PRKDC: variants seen among roughly 807,000 people sequenced by gnomAD.
PRKDC encodes the protein protein kinase, DNA-activated, catalytic subunit.
Under a neutral mutation model 486.9 loss-of-function variants are expected in PRKDC, and 82 were observed. The ratio of observed to expected loss-of-function variants is 0.17; its 90% CI spans 0.14 to 0.20. The LOEUF (loss-of-function observed/expected upper bound fraction) is 0.20. Among genes scored for constraint, PRKDC ranks in the 10% least tolerant of loss-of-function variants. The probability of loss-of-function intolerance (pLI) is 1.00; values close to 1 mark genes in which losing one functional copy is unlikely to be tolerated. For missense variants in PRKDC, 4,504 were observed against 5,038.2 expected, an observed-to-expected ratio of 0.89 and a Z score of 3.21; for synonymous variants, 1,895 against 1,837.0, an observed-to-expected ratio of 1.03 and a Z score of -0.81.
chr8:47,888,370 T>G lies in PRKDC; in HGVS notation c.4413+148A>C, dbSNP rs140948003. ...GATATATCATAGATATACAGATACA[T>G]AATATCTACATGTCTTGAGCAAGTA... On this transcript the variant is annotated intron_variant, in intron 34 of 85. Coordinates refer to ENST00000314191, the MANE Select transcript of PRKDC (RefSeq NM_006904.7). 45 of 560,956 alleles carry G rather than the reference T, an allele frequency of 8.0e-5. No individual in the cohort carries two copies. The East Asian group carries it at 1.4e-3, about 18-fold the overall frequency. The allele number at this position is 560,956 out of a possible 1,614,324, so 34.7% of individuals were successfully genotyped here.
chr8:47,808,198 G>C (rs2087254643), intron 68 of PRKDC, among the ~76,000 whole-genome samples: 1 of 152,098 alleles, frequency 6.6e-6, no homozygotes, highest in Non-Finnish European at 1.5e-5. Flanking sequence ...TTGGAGTGTA[G>C]TGGTGCAATC....
intron 40 of PRKDC, among the ~76,000 whole-genome samples, chr8:47,869,622 T>C (rs2088901008): frequency 6.6e-6 from 1 of 151,768 alleles, no homozygotes; most frequent in Non-Finnish European, 1.5e-5. Context: ...GGAGAAACCA[T>C]TTCTGCTTGA....
At position 47,953,858 on chromosome 8, in the gene PRKDC, T is replaced by C; in HGVS notation, c.570A>G (p.Ile190Met). 6.4e-7 allele frequency: 1 copy of C among 1,569,492 alleles called. No homozygotes were observed. Among genetic ancestry groups the C allele is most frequent in the Non-Finnish European group, 8.7e-7 (1 of 1,155,152 alleles). ...CGCGGAACAGGTTTTCTGCATTATT[T>C]ATCATCTCACTAGGATGAACTTCAC... ...LLGEVHPSEMINNAENLFRAF... is the reference protein window; with the variant it reads ...LLGEVHPSEMMNNAENLFRAF... Residue 190 changes from isoleucine (I) to methionine (M), a missense_variant, in exon 6 of 86, where the codon ATA (isoleucine) becomes ATG (methionine). This residue lies in a region of PRKDC where 1,969 missense variants were observed against 2,068.9 expected (regional missense o/e 0.95). Coordinates refer to ENST00000314191, the MANE Select transcript of PRKDC (RefSeq NM_006904.7).
chr8:47,906,373 G>A (rs780303447), intron 25 of PRKDC, among the ~76,000 whole-genome samples: 1 of 151,808 alleles, frequency 6.6e-6, no homozygotes, highest in African/African-American at 2.4e-5. Context: ...GGCCAGGCAC[G>A]ATGTAATCCC....
chr8:47,920,894 C>T (rs910532554), intron 21 of PRKDC, among the ~76,000 whole-genome samples: 1 of 152,124 alleles, frequency 6.6e-6, no homozygotes, highest in African/African-American at 2.4e-5. Flanking sequence ...TGTTGTCCAA[C>T]CATCACCACA....
intron 30 of PRKDC, among the ~76,000 whole-genome samples, chr8:47,895,709 A>AT (rs1296648833): frequency 6.6e-6 from 1 of 152,308 alleles, no homozygotes; most frequent in African/African-American, 2.4e-5. Context: ...GACTTAACAT[A>AT]TAAAAAAAAA....
intron 74 of PRKDC, among the ~76,000 whole-genome samples, chr8:47,793,043 A>G (rs1310824374): frequency 6.6e-6 from 1 of 152,136 alleles, no homozygotes; most frequent in Non-Finnish European, 1.5e-5. Context: ...CACCATGCTT[A>G]GCTTATTTTT....
chr8:47,956,172 G>C (rs1477776475), intron 3 of PRKDC, among the ~76,000 whole-genome samples: 1 of 152,052 alleles, frequency 6.6e-6, no homozygotes, highest in Non-Finnish European at 1.5e-5. Context: ...GACCAGCCTG[G>C]CCAGCATGGT....
At chr8:47,949,318 C>CCTAACCACGCAAGTCACTGTGTA (rs2090589219) in intron 7 of PRKDC, among the ~76,000 whole-genome samples, 1 of 152,212 alleles carries the variant, frequency 6.6e-6, no homozygotes, top group Non-Finnish European at 1.5e-5. Context: ...CCATTATTCT[C>CCTAACCACGCAAGTCACTGTGTA]CTAACCACGC....
intron 59 of PRKDC, 115 bp from the exon 60 acceptor site, chr8:47,832,041 C>CT (rs1335797472): frequency 1.1e-6 from 1 of 874,978 alleles, no homozygotes; most frequent in Non-Finnish European, 1.8e-6. Context: ...GCAGAGGCAG[C>CT]GACCGGGAGC....
In PRKDC at chr8:47,823,993, C is replaced by T. The variant is rs918972042; in HGVS notation, c.8787G>A (p.Leu2929=). The T allele has an allele frequency of 2.2e-5, 36 of 1,601,060 alleles. 1 individual carries two copies. The Admixed American group carries it at 4.8e-4, about 21-fold the overall frequency. The part of the protein sequence containing the change: ...DVLRWVELAK[L]YRSIGEYDVL... The stretch of plus-strand genomic sequence containing the variant: ...CGTCGTATTCTCCAATTGATCTATA[C>T]AGCCTACAAAACAAATCAAAAAGGC... Residue 2929 remains leucine, a synonymous_variant, in exon 64 of 86, where the codon CTG becomes CTA. Transcript: ENST00000314191.
At chr8:47,855,869 G>A (rs2088527853) in intron 49 of PRKDC, among the ~76,000 whole-genome samples, 1 of 152,182 alleles carries the variant, frequency 6.6e-6, no homozygotes, top group South Asian at 2.1e-4. Flanking sequence ...CACTCTAGGG[G>A]CAAACAGAAC....
rs1388339411 is a variant in PRKDC at position 47,789,235 on chromosome 8, A to C, written c.10674T>G (p.Ile3558Met). ...GHKNKEFVARIKSKLDQGGVI... is the reference protein window; with the variant it reads ...GHKNKEFVARMKSKLDQGGVI... ...CTCCTCCTTGATCCAACTTACTTTT[A>C]ATCCTATTTAAAAAAATTTACAAAG... Residue 3558 changes from isoleucine (I) to methionine (M), a missense_variant, in exon 75 of 86, where the codon ATT (isoleucine) becomes ATG (methionine). Ile to Met is a conservative substitution (Grantham distance 10). Around this residue, in one of 6 missense-constraint regions of PRKDC, gnomAD observed 706 missense variants for 945.0 expected, o/e 0.75. Coordinates refer to ENST00000314191, the MANE Select transcript of PRKDC (RefSeq NM_006904.7). 1 of 1,557,882 alleles carries C rather than the reference A, an allele frequency of 6.4e-7. No individual in the cohort carries two copies. The highest frequency in any genetic ancestry group is 1.4e-5 in the African/African-American group (1 of 72,734).
Position 47,809,706 on chromosome 8 carries a change from C to T in PRKDC, c.9558-2380G>A, listed in dbSNP as rs537216574. ...TGGATCCGGTATGGCACTGTGAGCC[C>T]CTTGTGGCCTATCCTCTGCTGACAA... On this transcript the variant is annotated intron_variant, in intron 68 of 85. Coordinates refer to ENST00000314191, the MANE Select transcript of PRKDC (RefSeq NM_006904.7). 3.3e-5 allele frequency among the ~76,000 whole-genome samples: 5 copies of T among 152,262 alleles called. No individual in the cohort carries two copies. In the South Asian group the frequency reaches 8.3e-4, roughly 25 times the overall value.
chr8:47,941,921 A>G (rs996457732), intron 10 of PRKDC, among the ~76,000 whole-genome samples: 5 of 152,242 alleles, frequency 3.3e-5, no homozygotes, highest in Non-Finnish European at 7.3e-5. Flanking sequence ...TCTGGCAAGG[A>G]TGTGAAACAG....
At chr8:47,876,159 T>C (rs1246583949) in intron 40 of PRKDC, among the ~76,000 whole-genome samples, 1 of 152,162 alleles carries the variant, frequency 6.6e-6, no homozygotes, top group Non-Finnish European at 1.5e-5. Flanking sequence ...AATAAAAATG[T>C]TATATGGTGC....
At chr8:47,800,466 G>A (rs906446496) in intron 71 of PRKDC, among the ~76,000 whole-genome samples, 1 of 151,560 alleles carries the variant, frequency 6.6e-6, no homozygotes, top group Non-Finnish European at 1.5e-5. Flanking sequence ...TGTGGGGTGG[G>A]GGGAAGGGGG....
At chr8:47,820,133 T>C (rs8178204) in intron 66 of PRKDC, among the ~76,000 whole-genome samples, 2,162 of 152,262 alleles carry the variant, frequency 0.014, 39 homozygotes, top group African/African-American at 0.041. Flanking sequence ...CTACTCTTGG[T>C]CAGGAGCGTT....
At chr8:47,924,135 ACATTTC>A in intron 21 of PRKDC, among the ~76,000 whole-genome samples, 1 of 152,282 alleles carries the variant, frequency 6.6e-6, no homozygotes, top group South Asian at 2.1e-4. Flanking sequence ...TTTGCCTGTG[ACATTTC>A]CCCCATCATG....
Sources: allele counts gnomAD v4.1 joint callset (sites outside exome capture counted in the v4.1 genomes callset), GRCh38; gene constraint gnomAD v4.1.1; regional missense constraint gnomAD v4.1.1; transcripts MANE v1.5; gene names NCBI Gene and HGNC (gene_info 2026-07-23, HGNC 2026-07-21).